ARHGAP22: variants seen among roughly 807,000 people sequenced by gnomAD.
ARHGAP22 encodes the protein Rho GTPase activating protein 22.
In ARHGAP22, 48 loss-of-function variants were observed where a neutral mutation model predicts 59.1. The ratio of observed to expected loss-of-function variants is 0.81; its 90% confidence interval spans 0.64 to 1.03. The LOEUF is 1.03. ARHGAP22 is among the 50% of genes least tolerant of loss of function. ARHGAP22 has a pLI of 0.00. For missense variants in ARHGAP22, 1,015 were observed against 958.7 expected, an observed-to-expected ratio of 1.06 and a Z score of -0.78; for synonymous variants, 445 against 416.4, an observed-to-expected ratio of 1.07 and a Z score of -0.84.
intron 4 of ARHGAP22, among the ~76,000 whole-genome samples, chr10:48,475,926 C>A (rs1380550546): frequency 6.6e-6 from 1 of 152,228 alleles, no homozygotes; most frequent in Non-Finnish European, 1.5e-5. Context: ...ACACTGGCCT[C>A]CTTGCTGTTC....
chr10:48,608,634 G>A (rs897069478), upstream of ARHGAP22, among the ~76,000 whole-genome samples: 1 of 152,150 alleles, frequency 6.6e-6, no homozygotes, highest in South Asian at 2.1e-4. Context: ...CCAGGAGGTC[G>A]ATGCCGCAGC....
Position 48,446,223 on chromosome 10 carries a change from A to T in ARHGAP22, c.*168T>A. 1 of 667,508 alleles carries T rather than the reference A, an allele frequency of 1.5e-6. No homozygotes were observed. The highest frequency in any genetic ancestry group is 2.0e-5 in the South Asian group (1 of 50,998). 41.3% of individuals were successfully genotyped at this position (667,508 alleles called of 1,614,324 possible). ...TGGAGCAGCATCTGATCCCACCTGG[A>T]GTGTGTGGGGTCCCAAAAGTCCCCA... is the stretch of plus-strand genomic sequence containing the variant. On this transcript the variant is annotated 3_prime_UTR_variant, in exon 10 of 10. Coordinates refer to ENST00000249601, the MANE Select transcript of ARHGAP22 (RefSeq NM_021226.4).
intron 1 of ARHGAP22, among the ~76,000 whole-genome samples, chr10:48,610,348 C>T (rs776765984): frequency 6.6e-5 from 10 of 152,072 alleles, no homozygotes; most frequent in Admixed American, 1.3e-4. Context: ...GAGTTCAGAC[C>T]GGAGCACAGA....
chr10:48,582,385 T>C (rs2059170239), intron 2 of ARHGAP22, among the ~76,000 whole-genome samples: 2 of 152,174 alleles, frequency 1.3e-5, no homozygotes, highest in South Asian at 4.1e-4. Flanking sequence ...GACGTTTGCA[T>C]GGGCCGCTGT....
At chr10:48,470,741 C>A (rs943793194) in intron 4 of ARHGAP22, among the ~76,000 whole-genome samples, 5 of 152,340 alleles carry the variant, frequency 3.3e-5, no homozygotes, top group African/African-American at 1.2e-4. Flanking sequence ...TTTCTCTCCC[C>A]TTTTGGAAGG....
At chr10:48,625,286 CAG>C (rs1188917004) in intron 1 of ARHGAP22, among the ~76,000 whole-genome samples, 9 of 152,134 alleles carry the variant, frequency 5.9e-5, no homozygotes, top group Non-Finnish European at 1.3e-4. Flanking sequence ...ATTTATGGAA[CAG>C]AGACTGTGTG....
At chr10:48,457,332 G>C (rs747788602) in intron 5 of ARHGAP22, among the ~76,000 whole-genome samples, 1 of 152,128 alleles carries the variant, frequency 6.6e-6, no homozygotes, top group African/African-American at 2.4e-5. Flanking sequence ...CTGGGTGTCC[G>C]CAGGGCTCCT....
At chr10:48,473,947 C>T (rs1246601767) in intron 4 of ARHGAP22, among the ~76,000 whole-genome samples, 1 of 152,232 alleles carries the variant, frequency 6.6e-6, no homozygotes, top group Non-Finnish European at 1.5e-5. Flanking sequence ...TCTCTCTCCT[C>T]TCAGAGAGAG....
At chr10:48,582,152 TC>T (rs2059156307) in intron 2 of ARHGAP22, among the ~76,000 whole-genome samples, 1 of 152,156 alleles carries the variant, frequency 6.6e-6, no homozygotes, top group Admixed American at 6.5e-5. Context: ...CCAGGTCCCT[TC>T]CCAGCAAGAT....
chr10:48,522,111 A>G (rs1402521768), intron 3 of ARHGAP22, among the ~76,000 whole-genome samples: 2 of 152,246 alleles, frequency 1.3e-5, no homozygotes, highest in Non-Finnish European at 2.9e-5. Context: ...GACATCAAAC[A>G]TCTGTCTTCC....
intron 3 of ARHGAP22, chr10:48,532,820 TC>T (rs2054985782): frequency 1.3e-5 from 2 of 152,150 alleles, no homozygotes; most frequent in African/African-American, 2.4e-5. Context: ...CATGAACTTA[TC>T]CTTTTTTATG....
intron 3 of ARHGAP22, among the ~76,000 whole-genome samples, chr10:48,504,554 C>A (rs911431947): frequency 6.6e-6 from 1 of 152,178 alleles, no homozygotes. Flanking sequence ...AACTCAGGAA[C>A]AGCAGGGGCT....
chr10:48,637,269 C>T (rs886449549), intron 1 of ARHGAP22, among the ~76,000 whole-genome samples: 1 of 152,190 alleles, frequency 6.6e-6, no homozygotes, highest in Admixed American at 6.5e-5. Flanking sequence ...TTGTGTGAGG[C>T]CACACAATAG....
chr10:48,521,747 A>T (rs2134738206), intron 3 of ARHGAP22, among the ~76,000 whole-genome samples: 1 of 152,362 alleles, frequency 6.6e-6, no homozygotes, highest in East Asian at 1.9e-4. Flanking sequence ...GAACAGTTTA[A>T]TGTCCAAAGC....
chr10:48,470,155 AG>A (rs1255339136), intron 4 of ARHGAP22, among the ~76,000 whole-genome samples: 1 of 152,252 alleles, frequency 6.6e-6, no homozygotes, highest in Non-Finnish European at 1.5e-5. Context: ...GGTCTATTGA[AG>A]CCAGACTGAA....
upstream of ARHGAP22, among the ~76,000 whole-genome samples, chr10:48,608,227 A>T (rs1564992601): frequency 6.6e-6 from 1 of 152,196 alleles, no homozygotes; most frequent in Non-Finnish European, 1.5e-5. Flanking sequence ...TCCTGGTCAG[A>T]AAGTGGAAAG....
chr10:48,517,784 G>A (rs921861322), intron 3 of ARHGAP22, among the ~76,000 whole-genome samples: 2 of 152,214 alleles, frequency 1.3e-5, no homozygotes, highest in Admixed American at 6.5e-5. Context: ...CACACCAGCA[G>A]TTCTGGGTTT....
At chr10:48,463,943 T>C (rs2047400590) in intron 4 of ARHGAP22, among the ~76,000 whole-genome samples, 1 of 152,118 alleles carries the variant, frequency 6.6e-6, no homozygotes, top group Non-Finnish European at 1.5e-5. Context: ...AAGAGATACA[T>C]GGGGAAAAAA....
intron 7 of ARHGAP22, among the ~76,000 whole-genome samples, chr10:48,453,724 G>A (rs916261484): frequency 4.6e-5 from 7 of 152,346 alleles, no homozygotes; most frequent in East Asian, 3.9e-4. Context: ...CCCAGTCAGC[G>A]CCGCCCCTGC....
Sources: gnomAD v4.1 joint callset for allele counts (sites outside exome capture counted in the v4.1 genomes callset) on GRCh38, gnomAD v4.1.1 for gene constraint, MANE v1.5 for transcripts, NCBI Gene and HGNC (gene_info 2026-07-23, HGNC 2026-07-21) for gene names.